The following ZNF337 variants were observed in gnomAD, a reference collection of about 807,000 sequenced individuals.
ZNF337 encodes zinc finger protein 337.
A neutral mutation model predicts 12.1 loss-of-function variants in ZNF337; 8 were observed. The ratio of observed to expected loss-of-function variants is 0.66; its 90% confidence interval spans 0.39 to 1.19. ZNF337 has a LOEUF of 1.19. Ranked by LOEUF, ZNF337 falls within the 50% of genes most tolerant of loss-of-function variation. The pLI is 0.01. For synonymous variants in ZNF337, 336 were observed against 320.0 expected, an observed-to-expected ratio of 1.05 and a Z score of -0.53; for missense variants, 882 against 896.6, an observed-to-expected ratio of 0.98 and a Z score of 0.21.
Position 25,675,977 on chromosome 20 carries a change from A to T in ZNF337, c.1311T>A (p.Cys437Ter), listed in dbSNP as rs149665017. 34 of 1,613,516 alleles carry T rather than the reference A, an allele frequency of 2.1e-5. No individual in the cohort carries two copies. The highest frequency in any genetic ancestry group is 2.9e-5 in the Non-Finnish European group (34 of 1,179,638). ...SGEKPFVCRECGQGFIQKSTL... is the reference protein window; with the variant it reads ...SGEKPFVCRE ...TTGACTTCTGAATAAATCCTTGCCC[A>T]CATTCTCTACAAACAAAAGGTTTCT... Residue 437 changes from cysteine to a stop codon, truncating the protein, a stop_gained, in exon 5 of 5, where the codon TGT becomes TGA. Coordinates refer to ENST00000252979, the MANE Select transcript of ZNF337 (RefSeq NM_015655.4). LOFTEE classifies it low-confidence loss of function (END_TRUNC).
At position 25,696,814 on chromosome 20, in the gene ZNF337, C is replaced by G. The variant is rs1002908125; in HGVS notation, c.-105G>C. ...AGGTCACCGATGGTGGACCACGCATCTCACGGCTCGCTGACGCCCAGGGAT... is the reference window on the plus strand; with the variant it reads ...AGGTCACCGATGGTGGACCACGCATGTCACGGCTCGCTGACGCCCAGGGAT... On this transcript the variant is annotated 5_prime_UTR_variant, in exon 1 of 5. Transcript: ENST00000252979. 3 of 985,432 alleles carry G rather than the reference C, an allele frequency of 3.0e-6. No homozygotes were observed. The highest frequency in any genetic ancestry group is 2.4e-6 in the Non-Finnish European group (2 of 830,010). The allele number at this position is 985,432 out of a possible 1,614,324, so 61.0% of individuals were successfully genotyped here.
chr20:25,687,528 A>G (rs2065845624), intron 1 of ZNF337, among the ~76,000 whole-genome samples: 1 of 152,238 alleles, frequency 6.6e-6, no homozygotes, highest in South Asian at 2.1e-4. Context: ...TGATGAACAC[A>G]GCATACATCC....
At chr20:25,679,910 A>G (rs1007260793) in intron 4 of ZNF337, among the ~76,000 whole-genome samples, 5 of 152,202 alleles carry the variant, frequency 3.3e-5, no homozygotes, top group South Asian at 2.1e-4. Context: ...ATGTCCATCA[A>G]TGGTTGAATG....
intron 4 of ZNF337, chr20:25,677,545 T>C (rs1600434235): frequency 6.5e-6 from 1 of 152,872 alleles, no homozygotes; most frequent in East Asian, 1.9e-4. Flanking sequence ...AAAAACTTTT[T>C]TTTTTTGAGA....
intron 4 of ZNF337, among the ~76,000 whole-genome samples, chr20:25,685,213 C>T (rs1479296539): frequency 6.7e-6 from 1 of 149,784 alleles, no homozygotes; most frequent in Non-Finnish European, 1.5e-5. Context: ...AATTAAAAAA[C>T]AAAACAAAAC....
At chr20:25,680,713 T>C (rs570878043) in intron 4 of ZNF337, 1 of 152,276 alleles carries the variant, frequency 6.6e-6, no homozygotes, top group South Asian at 2.1e-4. Flanking sequence ...GACAGTTAAG[T>C]TTGCTGATTC....
intron 4 of ZNF337, among the ~76,000 whole-genome samples, chr20:25,683,931 T>C (rs2122410740): frequency 6.6e-6 from 1 of 151,948 alleles, no homozygotes; most frequent in Non-Finnish European, 1.5e-5. Flanking sequence ...CTATACACAA[T>C]AGCAAAGACT....
chr20:25,686,591 G>T, intron 1 of ZNF337, 125 bp from the exon 2 acceptor site: 1 of 705,956 alleles, frequency 1.4e-6, no homozygotes, highest in Non-Finnish European at 2.3e-6. Flanking sequence ...CCCCTGTGGG[G>T]ATCTGGCCAA....
rs111933296 is a variant in ZNF337 at position 25,689,010 on chromosome 20, G to A, written c.-49-2544C>T. On this transcript the variant is annotated intron_variant, in intron 1 of 4. Coordinates refer to ENST00000252979, the MANE Select transcript of ZNF337 (RefSeq NM_015655.4). ...AAAAATAGCCGGGAGTGGTGGCGGC[G>A]CCTGTAGTCCCAGCTACTCGGGAGG... 6.5e-3 allele frequency among the ~76,000 whole-genome samples: 992 copies of A among 152,048 alleles called. 16 individuals are homozygous for A. Among genetic ancestry groups the A allele is most frequent in the African/African-American group, 0.023 (950 of 41,486 alleles).
At position 25,677,253 on chromosome 20, in the gene ZNF337, C is replaced by T. The variant is rs922583991; in HGVS notation, c.251-216G>A. On this transcript the variant is annotated intron_variant, in intron 4 of 4. Coordinates refer to ENST00000252979, the MANE Select transcript of ZNF337 (RefSeq NM_015655.4). Reference sequence around the variant, plus strand: ...GGCCAGCATTATCCTGATACCAAAACCAGACAAGGACACAGCAAAAACAGA... The same window carrying T: ...GGCCAGCATTATCCTGATACCAAAATCAGACAAGGACACAGCAAAAACAGA... 18 of 489,818 alleles carry T rather than the reference C, an allele frequency of 3.7e-5. No individual in the cohort carries two copies. The Admixed American group carries it at 6.0e-4, about 16-fold the overall frequency. 30.3% of individuals were successfully genotyped at this position (489,818 alleles called of 1,614,324 possible). A position where few individuals can be genotyped will look rare whatever the true frequency, so the allele number is the denominator to read the frequency against.
At chr20:25,689,326 T>C (rs904860141) in intron 1 of ZNF337, among the ~76,000 whole-genome samples, 6 of 152,012 alleles carry the variant, frequency 3.9e-5, no homozygotes, top group Non-Finnish European at 5.9e-5. Context: ...AAGTTAAATA[T>C]CTCCACAGGT....
chr20:25,696,189 C>T (rs1333672685), intron 1 of ZNF337, among the ~76,000 whole-genome samples: 2 of 150,374 alleles, frequency 1.3e-5, no homozygotes, highest in Non-Finnish European at 1.5e-5. Context: ...AGGCGGGGTG[C>T]TCCCAACCCA....
intron 2 of ZNF337, 43 bp from the exon 3 acceptor site, chr20:25,686,165 C>G (rs749413014): frequency 2.3e-5 from 37 of 1,611,528 alleles, no homozygotes; most frequent in Non-Finnish European, 3.1e-5. Context: ...GACAGTGTTG[C>G]ACTCACGCAG....
intron 1 of ZNF337, among the ~76,000 whole-genome samples, chr20:25,689,536 A>G (rs2065866930): frequency 1.3e-5 from 2 of 152,146 alleles, no homozygotes; most frequent in Admixed American, 6.5e-5. Flanking sequence ...GATTGAGGTG[A>G]TAAGTGACCT....
Position 25,677,005 on chromosome 20 carries a change from T to C in ZNF337, c.283A>G (p.Asn95Asp), listed in dbSNP as rs376153880. 1.3e-5 allele frequency: 21 copies of C among 1,613,100 alleles called. No individual in the cohort carries two copies. The highest frequency in any genetic ancestry group is 1.7e-5 in the Admixed American group (1 of 59,824). Residue 95 changes from asparagine to aspartate, a missense_variant, in exon 5 of 5, where the codon AAT becomes GAT. Physicochemically the swap from Asn to Asp is conservative, Grantham distance 23 (BLOSUM62 1). Transcript: ENST00000252979. ...IYAEHVLRPK[N>D]LGLAHQRQQQ... ...TGCCTCTGATGTGCAAGTCCAAGATTCTTGGGCCGCAGGACATGTTCTGCA... is the reference window on the plus strand; with the variant it reads ...TGCCTCTGATGTGCAAGTCCAAGATCCTTGGGCCGCAGGACATGTTCTGCA...
At position 25,696,793 on chromosome 20, in the gene ZNF337, C is replaced by A; in HGVS notation, c.-84G>T. On this transcript the variant is annotated 5_prime_UTR_variant, in exon 1 of 5. Coordinates refer to ENST00000252979, the MANE Select transcript of ZNF337 (RefSeq NM_015655.4). ...TGAGGGCGAACCGAGGCGGTGAGGT[C>A]ACCGATGGTGGACCACGCATCTCAC... The A allele has an allele frequency of 1.0e-6, 1 of 985,548 alleles. No homozygotes were observed. 61.1% of individuals were successfully genotyped at this position (985,548 alleles called of 1,614,324 possible).
intron 1 of ZNF337, among the ~76,000 whole-genome samples, chr20:25,691,538 G>A (rs1330282509): frequency 6.6e-6 from 1 of 152,176 alleles, no homozygotes; most frequent in Admixed American, 6.5e-5. Flanking sequence ...GGCAGGGGGA[G>A]AGAAGTTAAG....
At position 25,676,492 on chromosome 20, in the gene ZNF337, A is replaced by G; in HGVS notation, c.796T>C (p.Cys266Arg). The G allele has an allele frequency of 6.2e-7, 1 of 1,613,890 alleles. No homozygotes were observed. Among genetic ancestry groups the G allele is most frequent in the Non-Finnish European group, 8.5e-7 (1 of 1,179,936 alleles). The change falls in exon 5 of 5, where the codon TGC becomes CGC. Residue 266 changes from cysteine to arginine, a missense_variant. By Grantham distance (180) the Cys-to-Arg change is radical. Transcript: ENST00000252979. ...GTATAGCCTCGTCCACACACCTTGC[A>G]CAGAAAAGGCTTCTCTCCTGAGTGT... ...RTHSGEKPFL[C>R]KVCGRGYTSK...
rs2122432972 is a variant in ZNF337, at chr20:25,686,424, C to T, written c.-7G>A. 1 of 1,614,122 alleles carries T rather than the reference C, an allele frequency of 6.2e-7. No homozygotes were observed. The highest frequency in any genetic ancestry group is 8.5e-7 in the Non-Finnish European group (1 of 1,179,980). Reference sequence around the variant, plus strand: ...TGGCTCCCTGAGGTCCCATGACTGTCTTCCTGCTCTCCACGGAGAAGGGAA... The same window carrying T: ...TGGCTCCCTGAGGTCCCATGACTGTTTTCCTGCTCTCCACGGAGAAGGGAA... On this transcript the variant is annotated 5_prime_UTR_variant, in exon 2 of 5. Coordinates refer to ENST00000252979, the MANE Select transcript of ZNF337 (RefSeq NM_015655.4).
Sources: allele counts gnomAD v4.1 joint callset (sites outside exome capture counted in the v4.1 genomes callset), GRCh38; gene constraint gnomAD v4.1.1; transcripts MANE v1.5; gene names NCBI Gene and HGNC (gene_info 2026-07-23, HGNC 2026-07-21).